The following SCCPDH variants were observed in gnomAD, a reference collection of about 807,000 sequenced individuals.
SCCPDH encodes the protein saccharopine dehydrogenase-like oxidoreductase.
SCCPDH carries 34 observed loss-of-function variants against 51.5 expected under a neutral mutation model. That is an observed-to-expected ratio of 0.66 (90% CI 0.50 to 0.88). The LOEUF is 0.88. Ranked by LOEUF, SCCPDH falls within the 40% of genes least tolerant of loss-of-function variation. The pLI, the probability that SCCPDH is intolerant of heterozygous loss-of-function variation, is 0.00. For synonymous variants in SCCPDH, 187 were observed against 191.3 expected (o/e 0.98, Z 0.19); for missense variants, 464 against 527.1 (o/e 0.88, Z 1.17).
At chr1:246,724,720 C>T in intron 1 of SCCPDH, 108 bp downstream of exon 1, 3 of 1,012,982 alleles carry the variant, frequency 3.0e-6, no homozygotes, top group African/African-American at 1.7e-5. Flanking sequence ...TGTCCCCGAG[C>T]CCTGCGTGAG....
At chr1:246,730,829 T>C (rs1301161746) in intron 2 of SCCPDH, among the ~76,000 whole-genome samples, 2 of 151,820 alleles carry the variant, frequency 1.3e-5, no homozygotes, top group Non-Finnish European at 2.9e-5. Context: ...GAGGCTGAGG[T>C]GGGCAGATCA....
At chr1:246,736,513 A>G (rs899383875) in intron 3 of SCCPDH, among the ~76,000 whole-genome samples, 1 of 152,094 alleles carries the variant, frequency 6.6e-6, no homozygotes, top group East Asian at 1.9e-4. Flanking sequence ...CATCCTGGCC[A>G]ACACGGTGAA....
chr1:246,725,663 G>A (rs891357674), intron 1 of SCCPDH, among the ~76,000 whole-genome samples: 1 of 152,180 alleles, frequency 6.6e-6, no homozygotes, highest in African/African-American at 2.4e-5. Context: ...CTACCAACAC[G>A]TAATTCTGAC....
intron 1 of SCCPDH, among the ~76,000 whole-genome samples, chr1:246,725,915 G>A (rs1224812039): frequency 7.2e-5 from 11 of 152,088 alleles, no homozygotes; most frequent in Non-Finnish European, 1.2e-4. Context: ...TTTATATAGC[G>A]TGTGCTTTTC....
intron 2 of SCCPDH, among the ~76,000 whole-genome samples, chr1:246,733,344 C>T (rs1288276041): frequency 6.6e-6 from 1 of 152,040 alleles, no homozygotes; most frequent in Non-Finnish European, 1.5e-5. Flanking sequence ...ACCTTGGCCT[C>T]CCAAAGTGTT....
At chr1:246,729,257 C>T (rs749630924) in intron 2 of SCCPDH, among the ~76,000 whole-genome samples, 20 of 152,140 alleles carry the variant, frequency 1.3e-4, no homozygotes, top group Non-Finnish European at 2.1e-4. Context: ...AAACAGGGTA[C>T]GAGAGCAGAC....
chr1:246,746,724 C>G (rs1173425081), intron 5 of SCCPDH, among the ~76,000 whole-genome samples: 11 of 152,146 alleles, frequency 7.2e-5, no homozygotes, highest in Non-Finnish European at 1.3e-4. Context: ...TCCTGTAATC[C>G]CAGCTACTCG....
chr1:246,737,705 C>T (rs1240158362), intron 3 of SCCPDH, among the ~76,000 whole-genome samples: 1 of 152,006 alleles, frequency 6.6e-6, no homozygotes, highest in Non-Finnish European at 1.5e-5. Context: ...GATTCTCCTG[C>T]CTCAACCTCC....
Position 246,758,156 on chromosome 1 carries a change from T to G in SCCPDH, c.565-70T>G, listed in dbSNP as rs116422707. 2,706 of 1,102,170 alleles carry G rather than the reference T, an allele frequency of 2.5e-3. 49 individuals carry two copies. In the African/African-American group the frequency reaches 0.04, roughly 16 times the overall value. The allele number at this position is 1,102,170 out of a possible 1,614,324, so 68.3% of individuals were successfully genotyped here. ...AGTGAAATATTGTTTGTAACAATGA[T>G]AAGTTACTTGGCTTTACATTTTAGT... On this transcript the variant is annotated intron_variant, in intron 5 of 11. Transcript: ENST00000366510.
rs1668809441 is a variant in SCCPDH at position 246,748,879 on chromosome 1, C to A, written c.564+4754C>A. ...CTTGCAGAATACCCAGCAATAGTCC[C>A]CCGCAATACCACCACGCACCTGCTC... is the stretch of plus-strand genomic sequence containing the variant. On this transcript the variant is annotated intron_variant, in intron 5 of 11. Transcript: ENST00000366510. Among the ~76,000 whole-genome samples, 4 of 152,154 alleles carry A rather than the reference C, an allele frequency of 2.6e-5. No homozygotes were observed. The South Asian group carries it at 8.3e-4, about 32-fold the overall frequency.
At chr1:246,759,243 A>C in intron 7 of SCCPDH, 92 bp downstream of exon 7, 1 of 739,656 alleles carries the variant, frequency 1.4e-6, no homozygotes, top group Non-Finnish European at 2.4e-6. Flanking sequence ...AGGCAGAAAA[A>C]GGAAGAGCTA....
At chr1:246,737,006 C>T (rs1161512771) in intron 3 of SCCPDH, among the ~76,000 whole-genome samples, 1 of 152,120 alleles carries the variant, frequency 6.6e-6, no homozygotes, top group Non-Finnish European at 1.5e-5. Flanking sequence ...ACTAGGTCTT[C>T]AATTGAGGTT....
rs1668986312 is a variant in SCCPDH at position 246,760,013 on chromosome 1, G to A, written c.870G>A (p.Met290Ile). The change falls in exon 8 of 12, where the codon ATG (methionine) becomes ATA (isoleucine). Residue 290 changes from methionine (M) to isoleucine (I), a missense_variant. Met to Ile is a conservative substitution (Grantham distance 10, BLOSUM62 1). Transcript: ENST00000366510. ...GCATCACCTCTGTTATTAAGCTGAT[G>A]TTTGCAGGACTTTTCTTTTTGTTCT... is the stretch of plus-strand genomic sequence containing the variant. ...VGGITSVIKL[M>I]FAGLFFLFFV... The A allele has an allele frequency of 6.2e-7, 1 of 1,613,752 alleles. No homozygotes were observed. Among genetic ancestry groups the A allele is most frequent in the South Asian group, 1.1e-5 (1 of 91,040 alleles).
chr1:246,755,743 C>T (rs1169839498), intron 5 of SCCPDH: 4 of 152,768 alleles, frequency 2.6e-5, no homozygotes, highest in African/African-American at 7.2e-5. Context: ...CCATAAATAC[C>T]TTCAGTTTTA....
chr1:246,725,662 C>T (rs1668387240), intron 1 of SCCPDH, among the ~76,000 whole-genome samples: 2 of 152,182 alleles, frequency 1.3e-5, no homozygotes, highest in African/African-American at 2.4e-5. Context: ...ACTACCAACA[C>T]GTAATTCTGA....
intron 7 of SCCPDH, 51 bp from the exon 8 acceptor site, chr1:246,759,906 G>A: frequency 6.4e-7 from 1 of 1,567,462 alleles, no homozygotes; most frequent in Non-Finnish European, 8.6e-7. Flanking sequence ...ATTCTTACTT[G>A]GTCCAAAATG....
chr1:246,768,135 C>A lies in SCCPDH; in HGVS notation c.*835C>A, dbSNP rs1669116622. ...ATATAATAAACACGTATATACATAG[C>A]AATCATGTTGTTCATTACCTAAACA... On this transcript the variant is annotated 3_prime_UTR_variant, in exon 12 of 12. Transcript: ENST00000366510. The A allele has an allele frequency of 6.6e-6, 1 of 152,058 alleles. No individual in the cohort carries two copies. The highest frequency in any genetic ancestry group is 2.1e-4 in the South Asian group (1 of 4,828). 9.4% of individuals were successfully genotyped at this position (152,058 alleles called of 1,614,324 possible). A position where few individuals can be genotyped will look rare whatever the true frequency, so the allele number is the denominator to read the frequency against.
chr1:246,758,942 C>T, intron 6 of SCCPDH, 92 bp from the exon 7 acceptor site: 2 of 806,656 alleles, frequency 2.5e-6, no homozygotes, highest in Non-Finnish European at 4.5e-6. Context: ...GCATGAGCCA[C>T]CATGCCCTGC....
At position 246,740,314 on chromosome 1, in the gene SCCPDH, C is replaced by G. The variant is rs780876564; in HGVS notation, c.514+13C>G. ...AATAAAATGAATGGTAATTATTGAT[C>G]AATAAGCAATAATGGAATTTAACAG... On this transcript the variant is annotated intron_variant, in intron 4 of 11. Coordinates refer to ENST00000366510, the MANE Select transcript of SCCPDH (RefSeq NM_016002.3). The G allele has an allele frequency of 6.4e-7, 1 of 1,572,406 alleles. No homozygotes were observed. The highest frequency in any genetic ancestry group is 1.7e-5 in the Admixed American group (1 of 57,892).
Sources: gnomAD v4.1 joint callset for allele counts (sites outside exome capture counted in the v4.1 genomes callset) on GRCh38, gnomAD v4.1.1 for gene constraint, MANE v1.5 for transcripts, NCBI Gene and HGNC (gene_info 2026-07-23, HGNC 2026-07-21) for gene names.